Variants in TRIM16 observed in about 807,000 individuals in gnomAD.
The protein encoded by TRIM16 is tripartite motif containing 16.
Under a neutral mutation model 50.4 loss-of-function variants are expected in TRIM16, and 33 were observed. The observed-to-expected ratio is 0.65, with a 90% CI of 0.50 to 0.88. The LOEUF (loss-of-function observed/expected upper bound fraction) is 0.88. TRIM16 is among the 40% of genes least tolerant of loss of function. TRIM16 has a pLI of 0.00. For synonymous variants in TRIM16, 229 were observed against 270.7 expected, an observed-to-expected ratio of 0.85 and a Z score of 1.51; for missense variants, 581 against 686.8, an observed-to-expected ratio of 0.85 and a Z score of 1.72.
intron 6 of TRIM16, among the ~76,000 whole-genome samples, chr17:15,655,050 T>C (rs1194113331): frequency 1.3e-5 from 2 of 152,216 alleles, no homozygotes; most frequent in Non-Finnish European, 2.9e-5. Flanking sequence ...TACAGGCTTC[T>C]GTCAGAGCTC....
chr17:15,631,514 G>A, intron 11 of TRIM16, 105 bp downstream of exon 11: 1 of 989,792 alleles, frequency 1.0e-6, no homozygotes, highest in East Asian at 2.6e-5. Flanking sequence ...AGATAGATAT[G>A]AAGTTGCAAG....
chr17:15,651,365 T>C lies in TRIM16; in HGVS notation c.245A>G (p.Asp82Gly), dbSNP rs1567678314. ...CACTGCCTTCACTCTTCTGGTGTCATCAAGGCAGAAGTCACACAGGACCTC... is the reference window on the plus strand; with the variant it reads ...CACTGCCTTCACTCTTCTGGTGTCACCAAGGCAGAAGTCACACAGGACCTC... ...GKEVLCDFCL[D>G]DTRRVKAVKS... Residue 82 changes from aspartate to glycine, a missense_variant, in exon 7 of 12, where the codon GAT becomes GGT. Physicochemically the swap from Asp to Gly is moderately conservative, Grantham distance 94. This residue lies in a region of TRIM16 where 450 missense variants were observed against 544.3 expected (regional missense o/e 0.83). Coordinates refer to ENST00000649191, the MANE Select transcript of TRIM16 (RefSeq NM_001348119.1). The C allele has an allele frequency of 6.2e-6, 10 of 1,614,216 alleles. No homozygotes were observed. The highest frequency in any genetic ancestry group is 1.1e-5 in the South Asian group (1 of 91,080).
intron 6 of TRIM16, among the ~76,000 whole-genome samples, chr17:15,667,660 T>C (rs145705768): frequency 0.021 from 3,257 of 152,304 alleles, 47 homozygotes; most frequent in South Asian, 0.046. Flanking sequence ...TTCCATCATT[T>C]CTATGGAAAG....
Position 15,677,300 on chromosome 17 carries a change from A to G in TRIM16, c.-442-20T>C, listed in dbSNP as rs1278034968. The G allele has an allele frequency of 4.1e-6, 4 of 984,954 alleles. No homozygotes were observed. Among genetic ancestry groups the G allele is most frequent in the Non-Finnish European group, 3.6e-6 (3 of 829,604 alleles). 61.0% of individuals were successfully genotyped at this position (984,954 alleles called of 1,614,324 possible). The stretch of plus-strand genomic sequence containing the variant: ...ATCCTACTGAAGAGATACAAACAGA[A>G]TGTAATTTTAAGTTCAAAAGAGAAA... On this transcript the variant is annotated intron_variant, in intron 5 of 11. Transcript: ENST00000649191.
intron 3 of TRIM16, among the ~76,000 whole-genome samples, chr17:15,682,133 G>GA (rs1266306703): frequency 1.3e-5 from 2 of 152,208 alleles, no homozygotes; most frequent in African/African-American, 4.8e-5. Flanking sequence ...ACCTGGTACA[G>GA]AATAAGCACT....
Position 15,651,584 on chromosome 17 carries a change from G to A in TRIM16, c.26C>T (p.Pro9Leu), listed in dbSNP as rs1267512775. The change falls in exon 7 of 12, where the codon CCA (proline) becomes CTA (leucine). Residue 9 changes from proline to leucine, a missense_variant. Transcript: ENST00000649191. ...AGCAGTGGCCCTGGGCAGTGGCCCTGGAGCCATTAGATCCAACTCAGCCAT... is the reference window on the plus strand; with the variant it reads ...AGCAGTGGCCCTGGGCAGTGGCCCTAGAGCCATTAGATCCAACTCAGCCAT... MAELDLMAPGPLPRATAQP... is the reference protein window; with the variant it reads MAELDLMALGPLPRATAQP... 5.0e-6 allele frequency: 8 copies of A among 1,613,900 alleles called. No homozygotes were observed. Among genetic ancestry groups the A allele is most frequent in the Non-Finnish European group, 5.9e-6 (7 of 1,179,870 alleles).
At position 15,629,751 on chromosome 17, in the gene TRIM16, C is replaced by T. The variant is rs552578269; in HGVS notation, c.1112-553G>A. Reference sequence around the variant, plus strand: ...GCTCAAGTCAAGCTCTATGTCATTTCTGACATTTGTTTTGCCCTCATCCTC... The same window carrying T: ...GCTCAAGTCAAGCTCTATGTCATTTTTGACATTTGTTTTGCCCTCATCCTC... On this transcript the variant is annotated intron_variant, in intron 11 of 11. Coordinates refer to ENST00000649191, the MANE Select transcript of TRIM16 (RefSeq NM_001348119.1). Among the ~76,000 whole-genome samples the T allele has an allele frequency of 7.2e-5, 11 of 152,324 alleles. No individual in the cohort carries two copies. The South Asian group carries it at 2.3e-3, about 32-fold the overall frequency.
chr17:15,683,911 G>T (rs1159631213), intron 1 of TRIM16: 1 of 152,196 alleles, frequency 6.6e-6, no homozygotes, highest in Non-Finnish European at 1.5e-5. Flanking sequence ...GGAGCCTTGG[G>T]CGCTACCTGC....
At chr17:15,642,558 T>C (rs1279514356) in intron 8 of TRIM16, among the ~76,000 whole-genome samples, 163 bp downstream of exon 8, 1 of 149,596 alleles carries the variant, frequency 6.7e-6, no homozygotes, top group Non-Finnish European at 1.5e-5. Context: ...ACTAATTTCA[T>C]AACAAATCCT....
chr17:15,643,715 C>T lies in TRIM16; in HGVS notation c.520-899G>A, dbSNP rs181510413. Among the ~76,000 whole-genome samples the T allele has an allele frequency of 2.0e-5, 3 of 152,178 alleles. No individual in the cohort carries two copies. The East Asian group carries it at 5.8e-4, about 30-fold the overall frequency. Reference sequence around the variant, plus strand: ...GACTCCTTTTGTCAACATAGGTAAACATGATTATTATTTCAAAGGTACAGG... The same window carrying T: ...GACTCCTTTTGTCAACATAGGTAAATATGATTATTATTTCAAAGGTACAGG... On this transcript the variant is annotated intron_variant, in intron 7 of 11. Coordinates refer to ENST00000649191, the MANE Select transcript of TRIM16 (RefSeq NM_001348119.1).
intron 7 of TRIM16, among the ~76,000 whole-genome samples, chr17:15,645,224 T>C (rs1987310566): frequency 6.6e-6 from 1 of 152,256 alleles, no homozygotes; most frequent in South Asian, 2.1e-4. Context: ...ACTAACGAGA[T>C]AACGTATGTC....
chr17:15,629,461 A>G (rs960429253), intron 11 of TRIM16, among the ~76,000 whole-genome samples: 2 of 152,268 alleles, frequency 1.3e-5, no homozygotes, highest in African/African-American at 4.8e-5. Flanking sequence ...ATCAAGAAAT[A>G]TATTAATTTA....
At chr17:15,652,013 G>A (rs1165404069) in intron 6 of TRIM16, 67 bp from the exon 7 acceptor site, 23 of 1,053,368 alleles carry the variant, frequency 2.2e-5, no homozygotes, top group Non-Finnish European at 2.5e-5. Flanking sequence ...TCTGACAAGC[G>A]ACATTTTTTT....
chr17:15,681,670 G>A (rs1334349331), intron 3 of TRIM16, among the ~76,000 whole-genome samples: 2 of 152,160 alleles, frequency 1.3e-5, no homozygotes, highest in African/African-American at 4.8e-5. Flanking sequence ...TTGCCTGTAG[G>A]GAGAGAACTG....
intron 8 of TRIM16, among the ~76,000 whole-genome samples, chr17:15,642,443 A>T (rs1487002700): frequency 6.7e-6 from 1 of 148,550 alleles, no homozygotes; most frequent in African/African-American, 2.5e-5. Context: ...CCCTGTCAAG[A>T]CAGCATAAGC....
intron 9 of TRIM16, among the ~76,000 whole-genome samples, chr17:15,635,363 A>C (rs1986682267): frequency 1.3e-5 from 2 of 148,822 alleles, no homozygotes; most frequent in South Asian, 2.2e-4. Flanking sequence ...TGTTCTTTAG[A>C]TCTCGTTCCA....
chr17:15,643,044 G>A (rs1352346669), intron 7 of TRIM16: 2 of 795,672 alleles, frequency 2.5e-6, no homozygotes, highest in East Asian at 7.6e-5. Context: ...CACGGATGCC[G>A]TGCTGCTCAC....
At chr17:15,638,393 A>G (rs1359480499) in intron 8 of TRIM16, among the ~76,000 whole-genome samples, 2 of 148,796 alleles carry the variant, frequency 1.3e-5, no homozygotes, top group Non-Finnish European at 3.0e-5. Context: ...TAACATGGTG[A>G]AACCCTGTCT....
chr17:15,632,508 C>CA lies in TRIM16; in HGVS notation c.1015_1015+1insT (p.Glu339ValfsTer4), dbSNP rs1432646899. Reference sequence around the variant, plus strand: ...AGTCCATGGCCCAGAATGCGTCTCACCTTCCTTGGAAAACTCCTGGAGCTT... The same window carrying CA: ...AGTCCATGGCCCAGAATGCGTCTCACACTTCCTTGGAAAACTCCTGGAGCTT... On this transcript the variant is annotated frameshift_variant and splice_region_variant. Coordinates refer to ENST00000649191, the MANE Select transcript of TRIM16 (RefSeq NM_001348119.1). LOFTEE classifies it high-confidence loss of function. The CA allele has an allele frequency of 6.2e-7, 1 of 1,611,164 alleles. No individual in the cohort carries two copies. The highest frequency in any genetic ancestry group is 8.5e-7 in the Non-Finnish European group (1 of 1,178,346).
Sources: gnomAD v4.1 joint callset for allele counts (sites outside exome capture counted in the v4.1 genomes callset) on GRCh38, gnomAD v4.1.1 for gene constraint, gnomAD v4.1.1 regional missense constraint, MANE v1.5 for transcripts, NCBI Gene and HGNC (gene_info 2026-07-23, HGNC 2026-07-21) for gene names.